The following AMPD3 variants were observed in gnomAD, a reference collection of about 807,000 sequenced individuals.
The protein encoded by AMPD3 is adenosine monophosphate deaminase 3, also known as AMP deaminase 3.
Under a neutral mutation model 82.3 loss-of-function variants are expected in AMPD3, and 57 were observed. The observed-to-expected ratio is 0.69, with a 90% CI of 0.56 to 0.86. AMPD3 has a LOEUF of 0.86. AMPD3 is among the 40% of genes least tolerant of loss of function. The pLI is 0.00. For synonymous variants in AMPD3, 381 were observed against 394.7 expected (o/e 0.97, Z 0.41); for missense variants, 870 against 1,003.8 (o/e 0.87, Z 1.80).
At position 10,484,911 on chromosome 11, in the gene AMPD3, C is replaced by CA. The variant is rs1849020345; in HGVS notation, c.682dup (p.Ile228AsnfsTer6). On this transcript the variant is annotated frameshift_variant, in exon 5 of 15. Coordinates refer to ENST00000396553, the MANE Select transcript of AMPD3 (RefSeq NM_001025389.2). LOFTEE classifies it high-confidence loss of function. ...ATTACTTGGTCCACATGCAGGGGGG[C>CA]ATCCTCTTTGTGTATGATAACAAGA... The CA allele has an allele frequency of 6.2e-7, 1 of 1,614,086 alleles. No homozygotes were observed.
At chr11:10,481,932 G>A (rs1353497274) in intron 3 of AMPD3, 131 bp from the exon 4 acceptor site, 2 of 1,066,890 alleles carry the variant, frequency 1.9e-6, no homozygotes, top group Non-Finnish European at 2.9e-6. Flanking sequence ...TGGTCAAGGA[G>A]TGGTGAGAAC....
rs1848274481 is a variant in AMPD3, at chr11:10,461,655, G to A, written c.136G>A (p.Asp46Asn). Residue 46 changes from aspartate to asparagine, a missense_variant, in exon 2 of 15, where the codon GAC becomes AAC. Transcript: ENST00000396553. ...DALSLFTVPE[D>N]CPIGQKEAKE... ...CCTGTCCCTGTTCACTGTCCCAGAG[G>A]ACTGCCCCATCGGGCAAAAGGAAGC... is the stretch of plus-strand genomic sequence containing the variant. 2 of 1,614,252 alleles carry A rather than the reference G, an allele frequency of 1.2e-6. No individual in the cohort carries two copies. The highest frequency in any genetic ancestry group is 1.7e-6 in the Non-Finnish European group (2 of 1,180,050).
chr11:10,501,253 C>T (rs906898766), intron 11 of AMPD3: 2 of 985,234 alleles, frequency 2.0e-6, no homozygotes, highest in Non-Finnish European at 1.2e-6. Context: ...CTGCGAGGCC[C>T]ACTCTCTGCC....
At chr11:10,493,584 C>G (rs771808603) in intron 7 of AMPD3, 41 bp downstream of exon 7, 2 of 1,605,212 alleles carry the variant, frequency 1.2e-6, no homozygotes, top group Non-Finnish European at 1.7e-6. Flanking sequence ...CAGACAGCAG[C>G]CCTGGCTGGG....
At position 10,507,330 on chromosome 11, in the gene AMPD3, C is replaced by A. The variant is rs1849735888; in HGVS notation, c.*1446C>A. 1 of 152,058 alleles carries A rather than the reference C, an allele frequency of 6.6e-6. No homozygotes were observed. The highest frequency in any genetic ancestry group is 2.1e-4 in the South Asian group (1 of 4,828). The allele number at this position is 152,058 out of a possible 1,614,324, so 9.4% of individuals were successfully genotyped here. Reference sequence around the variant, plus strand: ...CATCTTGTGACTTTATAATGCCTGTCCCCTCCACTGGTCAATTCAGCATAT... The same window carrying A: ...CATCTTGTGACTTTATAATGCCTGTACCCTCCACTGGTCAATTCAGCATAT... On this transcript the variant is annotated 3_prime_UTR_variant, in exon 15 of 15. Coordinates refer to ENST00000396553, the MANE Select transcript of AMPD3 (RefSeq NM_001025389.2).
At chr11:10,485,114 C>T (rs1849029384) in intron 5 of AMPD3, 75 bp downstream of exon 5, 36 of 1,407,434 alleles carry the variant, frequency 2.6e-5, no homozygotes, top group Non-Finnish European at 3.3e-5. Context: ...AAAGGCCTCA[C>T]CCCTCTGCCC....
intron 2 of AMPD3, among the ~76,000 whole-genome samples, chr11:10,473,860 T>G (rs1038517947): frequency 1.3e-5 from 2 of 152,224 alleles, no homozygotes; most frequent in Non-Finnish European, 2.9e-5. Flanking sequence ...TCCCGCCTGA[T>G]GGCATTCAGA....
chr11:10,476,803 G>A (rs994574745), intron 2 of AMPD3: 1 of 486,460 alleles, frequency 2.1e-6, no homozygotes, highest in Non-Finnish European at 2.7e-6. Flanking sequence ...TGACAAGGTG[G>A]CATCCCTGGG....
intron 1 of AMPD3, among the ~76,000 whole-genome samples, chr11:10,460,279 T>C (rs1358453805): frequency 6.6e-6 from 1 of 151,024 alleles, no homozygotes; most frequent in Non-Finnish European, 1.5e-5. Context: ...TTAAATCTTT[T>C]TTAGGGATGA....
At chr11:10,482,663 C>T (rs1052717985) in intron 4 of AMPD3, among the ~76,000 whole-genome samples, 6 of 146,354 alleles carry the variant, frequency 4.1e-5, no homozygotes, top group South Asian at 4.4e-4. Flanking sequence ...AGGCACACAC[C>T]GCCACACCCA....
intron 5 of AMPD3, among the ~76,000 whole-genome samples, chr11:10,486,340 G>T (rs568134248): frequency 1.4e-4 from 22 of 152,314 alleles, no homozygotes; most frequent in Non-Finnish European, 2.9e-4. Context: ...CAAGGAAGCT[G>T]CTGTTTGTTT....
At chr11:10,461,038 T>C (rs1003943014) in intron 1 of AMPD3, 2 of 1,133,410 alleles carry the variant, frequency 1.8e-6, no homozygotes, top group Non-Finnish European at 2.2e-6. Context: ...AGCTTTGGAT[T>C]TCCCAGGGCT....
At position 10,461,572 on chromosome 11, in the gene AMPD3, G is replaced by A. The variant is rs137905602; in HGVS notation, c.53G>A (p.Arg18Gln). 2.5e-6 allele frequency: 4 copies of A among 1,614,086 alleles called. No individual in the cohort carries two copies. The highest frequency in any genetic ancestry group is 1.3e-5 in the African/African-American group (1 of 74,924). Residue 18 changes from arginine to glutamine, a missense_variant, in exon 2 of 15, where the codon CGG becomes CAG. Coordinates refer to ENST00000396553, the MANE Select transcript of AMPD3 (RefSeq NM_001025389.2). Reference protein sequence around the residue: ...LNISEVDEQVRLLAEKVFAKV... With the variant: ...LNISEVDEQVQLLAEKVFAKV... ...ATCTCTGAAGTGGATGAGCAAGTCC[G>A]GCTCCTGGCGGAGAAGGTGTTTGCT...
At chr11:10,484,307 C>G in intron 4 of AMPD3, 2 of 985,366 alleles carry the variant, frequency 2.0e-6, no homozygotes, top group South Asian at 9.4e-5. Context: ...AGTTCCCTAT[C>G]CTTTGCTCCT....
In AMPD3 at chr11:10,505,955, A is replaced by T. The variant is rs1591491196; in HGVS notation, c.*71A>T. 1.3e-6 allele frequency: 2 copies of T among 1,572,168 alleles called. No individual in the cohort carries two copies. The highest frequency in any genetic ancestry group is 3.3e-5 in the Admixed American group (2 of 59,958). ...TCTGCTGTGGCTAATAGTGGTCAAGATTCCGAACTAGGACTTTCCTCTGTG... is the reference window on the plus strand; with the variant it reads ...TCTGCTGTGGCTAATAGTGGTCAAGTTTCCGAACTAGGACTTTCCTCTGTG... On this transcript the variant is annotated 3_prime_UTR_variant, in exon 15 of 15. Coordinates refer to ENST00000396553, the MANE Select transcript of AMPD3 (RefSeq NM_001025389.2).
chr11:10,486,664 C>T (rs1208241123), intron 5 of AMPD3: 17 of 985,266 alleles, frequency 1.7e-5, no homozygotes, highest in East Asian at 1.1e-4. Context: ...ATCCTTGGGC[C>T]GTGGCCATTA....
At chr11:10,457,224 C>G (rs1400670995) in intron 1 of AMPD3, among the ~76,000 whole-genome samples, 1 of 151,952 alleles carries the variant, frequency 6.6e-6, no homozygotes, top group African/African-American at 2.4e-5. Flanking sequence ...TCAAGCGATC[C>G]TCTTCAGCCT....
intron 2 of AMPD3, among the ~76,000 whole-genome samples, chr11:10,465,822 T>G (rs76751188): frequency 1.3e-5 from 2 of 150,856 alleles, no homozygotes; most frequent in South Asian, 4.2e-4. Flanking sequence ...TGCAGGAGTT[T>G]TTTTTTTTTT....
At chr11:10,484,438 T>C (rs1849003811) in intron 4 of AMPD3, 1 of 985,294 alleles carries the variant, frequency 1.0e-6, no homozygotes, top group Admixed American at 6.1e-5. Context: ...CGCTGCTCTT[T>C]TTAATATTCC....
Sources: allele counts gnomAD v4.1 joint callset (sites outside exome capture counted in the v4.1 genomes callset), GRCh38; gene constraint gnomAD v4.1.1; transcripts MANE v1.5; gene names NCBI Gene and HGNC (gene_info 2026-07-23, HGNC 2026-07-21).